Variants in HRNR observed in about 807,000 individuals in gnomAD.
HRNR encodes hornerin, also known as filaggrin family member 3.
Under a neutral mutation model 4.8 loss-of-function variants are expected in HRNR, and 7 were observed. The ratio of observed to expected loss-of-function variants is 1.47; its 90% CI spans 0.83 to 2.75. The LOEUF is 2.75. Ranked by LOEUF, HRNR falls within the 30% of genes most tolerant of loss-of-function variation. The pLI, the probability that HRNR is intolerant of heterozygous loss-of-function variation, is 0.00. For missense variants in HRNR, 2,879 were observed against 3,010.4 expected (o/e 0.96, Z 1.02); for synonymous variants, 1,023 against 1,242.7 (o/e 0.82, Z 3.72).
chr1:152,219,973 G>T lies in HRNR; in HGVS notation c.1656C>A (p.Ser552=). 2 of 1,613,080 alleles carry T rather than the reference G, an allele frequency of 1.2e-6. No individual in the cohort carries two copies. Among genetic ancestry groups the T allele is most frequent in the Non-Finnish European group, 1.7e-6 (2 of 1,179,776 alleles). ...SPSRGRHESG[S]RQSSSYGPHG... is the part of the protein sequence containing the mutation. Reference sequence around the variant, plus strand: ...GTGGGCCATAGCTGGAAGACTGCCTGGAACCAGACTCATGTCGGCCACGGC... The same window carrying T: ...GTGGGCCATAGCTGGAAGACTGCCTTGAACCAGACTCATGTCGGCCACGGC... The change falls in exon 3 of 3, where the codon TCC becomes TCA. Residue 552 remains serine (S), a synonymous_variant. Transcript: ENST00000368801.
chr1:152,218,692 C>G lies in HRNR; in HGVS notation c.2937G>C (p.Ser979=). 5 of 1,612,742 alleles carry G rather than the reference C, an allele frequency of 3.1e-6. No individual in the cohort carries two copies. The highest frequency in any genetic ancestry group is 2.2e-5 in the East Asian group (1 of 44,724). The change falls in exon 3 of 3, where the codon TCG becomes TCC. Residue 979 remains serine (S), a synonymous_variant. Coordinates refer to ENST00000368801, the MANE Select transcript of HRNR (RefSeq NM_001009931.3). ...RSEQHGSSSG[S]SSSYGQHGSG... Reference sequence around the variant, plus strand: ...ACCCATGCTGACCATAGCTGGAAGACGAACCTGAGCTAGATCCATGTTGTT... The same window carrying G: ...ACCCATGCTGACCATAGCTGGAAGAGGAACCTGAGCTAGATCCATGTTGTT...
rs1557847758 is a variant in HRNR, at chr1:152,224,145, A to G, written c.-28T>C. ...GCGGAGTTGAACTGCTCACTTACCT[A>G]GCTCACCAGAGGAACAAGTAGGGTA... On this transcript the variant is annotated splice_region_variant and 5_prime_UTR_variant, in exon 1 of 3. Transcript: ENST00000368801. 6.6e-6 allele frequency: 1 copy of G among 152,140 alleles called. No homozygotes were observed. The allele number at this position is 152,140 out of a possible 1,614,324, so 9.4% of individuals were successfully genotyped here.
chr1:152,220,724 C>T lies in HRNR; in HGVS notation c.905G>A (p.Gly302Glu). ...GACGTGGCTAGGAGACTGGCGAGAT[C>T]CAGACCCTTGTCGGCCGTGGCCCAA... ...QSLGHGRQGS[G>E]SRQSPSHVRH... Residue 302 changes from glycine to glutamate, a missense_variant, in exon 3 of 3, where the codon GGA becomes GAA. Coordinates refer to ENST00000368801, the MANE Select transcript of HRNR (RefSeq NM_001009931.3). 1 of 1,613,934 alleles carries T rather than the reference C, an allele frequency of 6.2e-7. No individual in the cohort carries two copies. The highest frequency in any genetic ancestry group is 8.5e-7 in the Non-Finnish European group (1 of 1,179,926).
At position 152,218,928 on chromosome 1, in the gene HRNR, C is replaced by T. The variant is rs142336181; in HGVS notation, c.2701G>A (p.Gly901Arg). ...PGHGQRGSGSGQSPSYGRHGS... is the reference protein window; with the variant it reads ...PGHGQRGSGSRQSPSYGRHGS... ...TGTCGGCCATAGCTGGGAGACTGCC[C>T]TGACCCAGACCCACGCTGGCCGTGG... Residue 901 changes from glycine (G) to arginine (R), a missense_variant, in exon 3 of 3, where the codon GGG (glycine) becomes AGG (arginine). This residue lies in a region of HRNR where 2,646 missense variants were observed against 1,377.7 expected (regional missense o/e 1.92). Coordinates refer to ENST00000368801, the MANE Select transcript of HRNR (RefSeq NM_001009931.3). 6,051 of 1,583,906 alleles carry T rather than the reference C, an allele frequency of 3.8e-3. 27 individuals are homozygous for T. Among genetic ancestry groups the T allele is most frequent in the East Asian group, 0.012 (541 of 44,722 alleles).
At position 152,218,126 on chromosome 1, in the gene HRNR, C is replaced by G; in HGVS notation, c.3503G>C (p.Gly1168Ala). The change falls in exon 3 of 3, where the codon GGT (glycine) becomes GCT (alanine). Residue 1168 changes from glycine (G) to alanine (A), a missense_variant. Around this residue, in one of 8 missense-constraint regions of HRNR, gnomAD observed 26 missense variants for 79.4 expected, o/e 0.33. Coordinates refer to ENST00000368801, the MANE Select transcript of HRNR (RefSeq NM_001009931.3). Reference protein sequence around the residue: ...GSGLGESSGFGHHESSSGQSS... With the variant: ...GSGLGESSGFAHHESSSGQSS... ...CTGCCCTGAGCTAGACTCGTGGTGA[C>G]CAAAGCCAGAAGACTCGCCTAAGCC... The G allele has an allele frequency of 1.3e-6, 1 of 761,396 alleles. No homozygotes were observed. Among genetic ancestry groups the G allele is most frequent in the South Asian group, 1.6e-5 (1 of 61,902 alleles). The allele number at this position is 761,396 out of a possible 1,614,324, so 47.2% of individuals were successfully genotyped here.
chr1:152,220,242 A>T lies in HRNR; in HGVS notation c.1387T>A (p.Ser463Thr). ...GPYVSGSGYS[S>T]GFGHHESSSE... ...CTAGACTCGTGGTGACCAAAGCCAGAAGAGTAGCCTGAACCAGACACATAT... is the reference window on the plus strand; with the variant it reads ...CTAGACTCGTGGTGACCAAAGCCAGTAGAGTAGCCTGAACCAGACACATAT... Residue 463 changes from serine to threonine, a missense_variant, in exon 3 of 3, where the codon TCT (serine) becomes ACT (threonine). By Grantham distance (58) the Ser-to-Thr change is moderately conservative. Around this residue, in one of 8 missense-constraint regions of HRNR, gnomAD observed 2,646 missense variants for 1,377.7 expected, o/e 1.92. Transcript: ENST00000368801. 1.2e-6 allele frequency: 2 copies of T among 1,613,570 alleles called. No homozygotes were observed. The highest frequency in any genetic ancestry group is 1.7e-6 in the Non-Finnish European group (2 of 1,179,692).
rs539151825 is a variant in HRNR, at chr1:152,223,297, G to A, written c.-25-19C>T. 50 of 1,478,720 alleles carry A rather than the reference G, an allele frequency of 3.4e-5. No homozygotes were observed. In the South Asian group the frequency reaches 5.7e-4, roughly 17 times the overall value. The allele number at this position is 1,478,720 out of a possible 1,614,324, so 91.6% of individuals were successfully genotyped here. Reference sequence around the variant, plus strand: ...GAGTAACCTAAAGGGAGGAAAAAGAGAGACCAACCCCTTACTATTCTTATT... The same window carrying A: ...GAGTAACCTAAAGGGAGGAAAAAGAAAGACCAACCCCTTACTATTCTTATT... On this transcript the variant is annotated intron_variant, in intron 1 of 2. Transcript: ENST00000368801.
rs200803838 is a variant in HRNR, at chr1:152,213,590, C to A, written c.8039G>T (p.Ser2680Ile). 8.9e-6 allele frequency: 11 copies of A among 1,230,046 alleles called. 2 individuals are homozygous for A. Among genetic ancestry groups the A allele is most frequent in the Non-Finnish European group, 1.2e-5 (11 of 891,984 alleles). 76.2% of individuals were successfully genotyped at this position (1,230,046 alleles called of 1,614,324 possible). A position where few individuals can be genotyped will look rare whatever the true frequency, so the allele number is the denominator to read the frequency against. ...CAAGCGAGACTCATATGGGCCACGG[C>A]TGGAAGAACGACCTGAGCCAGACCC... ...QHGSGSGRSSSRGPYESRLGH... is the reference protein window; with the variant it reads ...QHGSGSGRSSIRGPYESRLGH... The change falls in exon 3 of 3, where the codon AGC (serine) becomes ATC (isoleucine). Residue 2680 changes from serine (S) to isoleucine (I), a missense_variant. Physicochemically the swap from Ser to Ile is moderately radical, Grantham distance 142 (BLOSUM62 -2). Coordinates refer to ENST00000368801, the MANE Select transcript of HRNR (RefSeq NM_001009931.3).
rs1373683856 is a variant in HRNR at position 152,220,665 on chromosome 1, G to A, written c.964C>T (p.His322Tyr). The change falls in exon 3 of 3, where the codon CAC becomes TAC. Residue 322 changes from histidine to tyrosine, a missense_variant. Around this residue, in one of 8 missense-constraint regions of HRNR, gnomAD observed 2,646 missense variants for 1,377.7 expected, o/e 1.92. Coordinates refer to ENST00000368801, the MANE Select transcript of HRNR (RefSeq NM_001009931.3). ...CTTGAGCCAGACCCGTGTTGGCCGT[G>A]GCTGGAGGAGTGCCCCGAACCGGAC... ...HGSGSGHSSS[H>Y]GQHGSGSSYS... The A allele has an allele frequency of 1.9e-6, 3 of 1,611,684 alleles. No homozygotes were observed. Among genetic ancestry groups the A allele is most frequent in the Non-Finnish European group, 2.5e-6 (3 of 1,178,530 alleles).
Position 152,218,906 on chromosome 1 carries a change from C to G in HRNR, c.2723G>C (p.Arg908Pro), listed in dbSNP as rs142364075. 1.2e-6 allele frequency: 2 copies of G among 1,612,536 alleles called. No homozygotes were observed. The highest frequency in any genetic ancestry group is 1.7e-5 in the Admixed American group (1 of 59,936). Residue 908 changes from arginine to proline, a missense_variant, in exon 3 of 3, where the codon CGA (arginine) becomes CCA (proline). Around this residue, in one of 8 missense-constraint regions of HRNR, gnomAD observed 2,646 missense variants for 1,377.7 expected, o/e 1.92. Transcript: ENST00000368801. ...AGACCGACCGGAGCCAGACCCATGT[C>G]GGCCATAGCTGGGAGACTGCCCTGA... is the stretch of plus-strand genomic sequence containing the variant. ...SGSGQSPSYGRHGSGSGRSSS... is the reference protein window; with the variant it reads ...SGSGQSPSYGPHGSGSGRSSS...
Position 152,219,757 on chromosome 1 carries a change from G to T in HRNR, c.1872C>A (p.Gly624=). 6.2e-7 allele frequency: 1 copy of T among 1,613,146 alleles called. No individual in the cohort carries two copies. Among genetic ancestry groups the T allele is most frequent in the Non-Finnish European group, 8.5e-7 (1 of 1,179,576 alleles). The change falls in exon 3 of 3, where the codon GGC becomes GGA. Residue 624 remains glycine, a synonymous_variant. Coordinates refer to ENST00000368801, the MANE Select transcript of HRNR (RefSeq NM_001009931.3). ...ACTGACCTGAGGTAGCTCCATGTTG[G>T]CCACAGCTCGATGACTGTCCTGATG... ...GSTSGQSSSC[G]QHGATSGQSS...
In HRNR at chr1:152,223,277, A is replaced by T; in HGVS notation, c.-24T>A. 1.3e-6 allele frequency: 2 copies of T among 1,596,556 alleles called. No individual in the cohort carries two copies. The highest frequency in any genetic ancestry group is 1.7e-6 in the Non-Finnish European group (2 of 1,171,416). On this transcript the variant is annotated splice_region_variant and 5_prime_UTR_variant, in exon 2 of 3. Coordinates refer to ENST00000368801, the MANE Select transcript of HRNR (RefSeq NM_001009931.3). ...ATTTTTTTTTTTGCAAGTTTGAGTA[A>T]CCTAAAGGGAGGAAAAAGAGAGACC...
chr1:152,220,162 G>C lies in HRNR; in HGVS notation c.1467C>G (p.Ser489=), dbSNP rs759659405. 6.2e-7 allele frequency: 1 copy of C among 1,612,420 alleles called. No individual in the cohort carries two copies. The highest frequency in any genetic ancestry group is 2.2e-5 in the East Asian group (1 of 44,760). Residue 489 remains serine, a synonymous_variant, in exon 3 of 3, where the codon TCC becomes TCG. Transcript: ENST00000368801. ...TQHGSGSGHS[S]GHGQHGSRSG... Reference sequence around the variant, plus strand: ...ACCTAGAGCCGTGTTGTCCGTGGCCGGAGGAGTGACCTGAGCCAGATCCAT... The same window carrying C: ...ACCTAGAGCCGTGTTGTCCGTGGCCCGAGGAGTGACCTGAGCCAGATCCAT...
rs757991048 is a variant in HRNR at position 152,221,240 on chromosome 1, G to T, written c.389C>A (p.Ser130Ter). ...NKRQESSFSHSSWSAGENDSY... is the reference protein window; with the variant it reads ...NKRQESSFSH ...ATCATTCTCTCCTGCACTCCAACTT[G>T]AATGACTAAAAGAGGATTCTTGCCG... Residue 130 changes from serine (S) to a stop codon, truncating the protein, a stop_gained, in exon 3 of 3, where the codon TCA becomes TAA. Coordinates refer to ENST00000368801, the MANE Select transcript of HRNR (RefSeq NM_001009931.3). LOFTEE classifies it low-confidence loss of function (END_TRUNC). 1.9e-6 allele frequency: 3 copies of T among 1,614,026 alleles called. No individual in the cohort carries two copies. Among genetic ancestry groups the T allele is most frequent in the South Asian group, 2.2e-5 (2 of 91,090 alleles).
At position 152,223,135 on chromosome 1, in the gene HRNR, T is replaced by C. The variant is rs138751388; in HGVS notation, c.119A>G (p.Glu40Gly). The C allele has an allele frequency of 2.2e-5, 36 of 1,613,636 alleles. No individual in the cohort carries two copies. Among genetic ancestry groups the C allele is most frequent in the Non-Finnish European group, 2.9e-5 (34 of 1,179,822 alleles). The stretch of plus-strand genomic sequence containing the variant: ...TCTTACCTTCAGAATTTGATGAAAC[T>C]CATTTTCCAGAAGTTCTTTCAGCTC... ...KAELKELLENEFHQILKNPND... is the reference protein window; with the variant it reads ...KAELKELLENGFHQILKNPND... The change falls in exon 2 of 3, where the codon GAG becomes GGG. Residue 40 changes from glutamate (E) to glycine (G), a missense_variant. By Grantham distance (98) the Glu-to-Gly change is moderately conservative. Around this residue, in one of 8 missense-constraint regions of HRNR, gnomAD observed 2,646 missense variants for 1,377.7 expected, o/e 1.92. Coordinates refer to ENST00000368801, the MANE Select transcript of HRNR (RefSeq NM_001009931.3).
In HRNR at chr1:152,218,421, A is replaced by T; in HGVS notation, c.3208T>A (p.Ser1070Thr). 1.2e-6 allele frequency: 2 copies of T among 1,613,322 alleles called. No individual in the cohort carries two copies. Among genetic ancestry groups the T allele is most frequent in the Non-Finnish European group, 8.5e-7 (1 of 1,180,006 alleles). The change falls in exon 3 of 3, where the codon TCA becomes ACA. Residue 1070 changes from serine to threonine, a missense_variant. Around this residue, in one of 8 missense-constraint regions of HRNR, gnomAD observed 2,646 missense variants for 1,377.7 expected, o/e 1.92. Transcript: ENST00000368801. ...SSGYGQHGSS[S>T]GHSSTHGQHG... is the part of the protein sequence containing the mutation. ...TGCCCATGGGTAGAGGAATGACCTG[A>T]GCTAGATCCATGTTGACCGTAGCCA...
intron 2 of HRNR, among the ~76,000 whole-genome samples, chr1:152,222,681 C>T (rs1041066442): frequency 1.3e-5 from 2 of 152,136 alleles, no homozygotes; most frequent in African/African-American, 2.4e-5. Context: ...CCACAGAAAT[C>T]CAAATTTAAG....
chr1:152,220,911 G>C lies in HRNR; in HGVS notation c.718C>G (p.Gln240Glu), dbSNP rs181939236. 6.2e-7 allele frequency: 1 copy of C among 1,614,192 alleles called. No individual in the cohort carries two copies. Among genetic ancestry groups the C allele is most frequent in the South Asian group, 1.1e-5 (1 of 91,090 alleles). The change falls in exon 3 of 3, where the codon CAG (glutamine) becomes GAG (glutamate). Residue 240 changes from glutamine (Q) to glutamate (E), a missense_variant. Around this residue, in one of 8 missense-constraint regions of HRNR, gnomAD observed 2,646 missense variants for 1,377.7 expected, o/e 1.92. Transcript: ENST00000368801. Reference protein sequence around the residue: ...GFSQHKSSSGQSSGYSQHGSG... With the variant: ...GFSQHKSSSGESSGYSQHGSG... ...CCATGCTGACTGTAACCAGAGGACT[G>C]CCCTGAGCTAGACTTGTGTTGACTA...
rs1302087415 is a variant in HRNR at position 152,219,733 on chromosome 1, C to CCG, written c.1895_1896insCG (p.Gln632HisfsTer420). ...AGCCATGCTGACCGTGGCTGGAAGA[C>CCG]TGACCTGAGGTAGCTCCATGTTGGC... On this transcript the variant is annotated frameshift_variant, in exon 3 of 3. Coordinates refer to ENST00000368801, the MANE Select transcript of HRNR (RefSeq NM_001009931.3). LOFTEE classifies it low-confidence loss of function (END_TRUNC). 1 of 1,612,988 alleles carries CCG rather than the reference C, an allele frequency of 6.2e-7. No individual in the cohort carries two copies. Among genetic ancestry groups the CCG allele is most frequent in the Non-Finnish European group, 8.5e-7 (1 of 1,179,582 alleles).
Sources: gnomAD v4.1 joint callset for allele counts (sites outside exome capture counted in the v4.1 genomes callset) on GRCh38, gnomAD v4.1.1 for gene constraint, gnomAD v4.1.1 regional missense constraint, MANE v1.5 for transcripts, NCBI Gene and HGNC (gene_info 2026-07-23, HGNC 2026-07-21) for gene names.